SEC24D: variants seen among roughly 807,000 people sequenced by gnomAD.
SEC24D encodes protein transport protein Sec24D.
Under a neutral mutation model 116.9 loss-of-function variants are expected in SEC24D, and 69 were observed. That is an observed-to-expected ratio of 0.59 (90% CI 0.49 to 0.72). SEC24D has a LOEUF of 0.72. Ranked by LOEUF, SEC24D falls within the 30% of genes least tolerant of loss-of-function variation. The pLI, the probability that SEC24D is intolerant of heterozygous loss-of-function variation, is 0.00. For synonymous variants in SEC24D, 405 were observed against 442.8 expected (o/e 0.91, Z 1.07); for missense variants, 1,131 against 1,264.1 (o/e 0.89, Z 1.60).
At chr4:118,773,716 G>A (rs1368585586) in intron 8 of SEC24D, among the ~76,000 whole-genome samples, 5 of 152,188 alleles carry the variant, frequency 3.3e-5, no homozygotes, top group African/African-American at 4.8e-5. Context: ...GCCCAGAGGC[G>A]AAAAGGAAAA....
chr4:118,800,220 C>T (rs2110508479), intron 7 of SEC24D, among the ~76,000 whole-genome samples: 1 of 152,118 alleles, frequency 6.6e-6, no homozygotes. Flanking sequence ...GAAGGTGCTG[C>T]AGGTTTGAAA....
rs560161546 is a variant in SEC24D at position 118,828,113 on chromosome 4, C to CT, written c.119-3365dup. 5.9e-3 allele frequency among the ~76,000 whole-genome samples: 858 copies of CT among 146,014 alleles called. 10 individuals carry two copies. The highest frequency in any genetic ancestry group is 0.056 in the South Asian group (256 of 4,572). The stretch of plus-strand genomic sequence containing the variant: ...CTGTTCTAGGTTCAGGACATTAATA[C>CT]TTTTTTTTTTTTTGAGACAGAATCT... On this transcript the variant is annotated intron_variant, in intron 2 of 22. Coordinates refer to ENST00000280551, the MANE Select transcript of SEC24D (RefSeq NM_014822.4).
chr4:118,762,607 T>C, intron 10 of SEC24D, among the ~76,000 whole-genome samples: 1 of 152,216 alleles, frequency 6.6e-6, no homozygotes, highest in East Asian at 1.9e-4. Flanking sequence ...AAAAAATACA[T>C]GTACAAATTA....
At chr4:118,738,119 G>A (rs1224633316) in intron 19 of SEC24D, 142 bp downstream of exon 19, 2 of 572,206 alleles carry the variant, frequency 3.5e-6, no homozygotes, top group Non-Finnish European at 3.1e-6. Context: ...CCCCCAAATT[G>A]CATTCTTAAT....
chr4:118,740,610 C>G (rs1238431581), intron 17 of SEC24D, 53 bp downstream of exon 17: 3 of 1,591,580 alleles, frequency 1.9e-6, no homozygotes, highest in Non-Finnish European at 2.6e-6. Flanking sequence ...CCCCACTGAT[C>G]ATTGTCGGCA....
chr4:118,818,276 T>C (rs540875288), intron 3 of SEC24D, among the ~76,000 whole-genome samples: 1 of 152,314 alleles, frequency 6.6e-6, no homozygotes, highest in South Asian at 2.1e-4. Flanking sequence ...GATTTCAATT[T>C]CTCTATCTGA....
intron 13 of SEC24D, among the ~76,000 whole-genome samples, chr4:118,751,177 T>C (rs1054039216): frequency 9.5e-6 from 1 of 105,644 alleles, no homozygotes. Context: ...GAGTGAGGGC[T>C]TTTTTTTTTT....
chr4:118,753,610 G>GT (rs1487085730), intron 11 of SEC24D, among the ~76,000 whole-genome samples: 1 of 151,772 alleles, frequency 6.6e-6, no homozygotes, highest in Non-Finnish European at 1.5e-5. Flanking sequence ...TAGTATTCCT[G>GT]TAAGTATAAA....
At chr4:118,824,789 AC>A in intron 2 of SEC24D, 40 bp from the exon 3 acceptor site, 5 of 1,519,678 alleles carry the variant, frequency 3.3e-6, no homozygotes, top group Non-Finnish European at 3.5e-6. Flanking sequence ...GTATTAAAGT[AC>A]AAAGAGAGAT....
At chr4:118,757,970 G>T in intron 10 of SEC24D, 125 bp from the exon 11 acceptor site, 1 of 707,974 alleles carries the variant, frequency 1.4e-6, no homozygotes, top group Non-Finnish European at 2.2e-6. Context: ...TACCATCTGT[G>T]GAATTAAATC....
chr4:118,829,990 T>C (rs1290986211), intron 2 of SEC24D, among the ~76,000 whole-genome samples: 1 of 152,130 alleles, frequency 6.6e-6, no homozygotes, highest in East Asian at 1.9e-4. Context: ...AGGAGACCAA[T>C]AAAAGCGTCA....
At position 118,820,674 on chromosome 4, in the gene SEC24D, G is replaced by A. The variant is rs187716174; in HGVS notation, c.249-3262C>T. On this transcript the variant is annotated intron_variant, in intron 3 of 22. Coordinates refer to ENST00000280551, the MANE Select transcript of SEC24D (RefSeq NM_014822.4). ...ATGGAGTGATCCCTTTTTTTTTTTC[G>A]CTATAAATATAATGTTAAAATTAAG... Among the ~76,000 whole-genome samples, 25 of 142,992 alleles carry A rather than the reference G, an allele frequency of 1.7e-4. No individual in the cohort carries two copies. The East Asian group carries it at 4.3e-3, about 25-fold the overall frequency. 93.8% of individuals were successfully genotyped at this position (142,992 alleles called of 152,430 possible). A position where few individuals can be genotyped will look rare whatever the true frequency, so the allele number is the denominator to read the frequency against.
At chr4:118,804,709 T>C (rs939872212) in intron 7 of SEC24D, among the ~76,000 whole-genome samples, 5 of 152,026 alleles carry the variant, frequency 3.3e-5, no homozygotes, top group Non-Finnish European at 7.4e-5. Flanking sequence ...AAACAAATTA[T>C]TTTTACACTT....
intron 8 of SEC24D, among the ~76,000 whole-genome samples, chr4:118,788,376 A>G (rs1728746097): frequency 6.6e-6 from 1 of 152,246 alleles, no homozygotes; most frequent in Non-Finnish European, 1.5e-5. Flanking sequence ...AGGTCACAAT[A>G]TAAGGCACAG....
In SEC24D at chr4:118,815,496, G is replaced by A; in HGVS notation, c.628C>T (p.Pro210Ser). Residue 210 changes from proline to serine, a missense_variant, in exon 5 of 23, where the codon CCT (proline) becomes TCT (serine). By Grantham distance (74) the Pro-to-Ser change is moderately conservative. Coordinates refer to ENST00000280551, the MANE Select transcript of SEC24D (RefSeq NM_014822.4). ...GCACCCAAGGTCTGGCCTGGAAGAGGTGGGGGCTGGTACTGGGCATTTGGA... is the reference window on the plus strand; with the variant it reads ...GCACCCAAGGTCTGGCCTGGAAGAGATGGGGGCTGGTACTGGGCATTTGGA... ...PPPNAQYQPP[P>S]LPGQTLGAGY... 1 of 1,614,198 alleles carries A rather than the reference G, an allele frequency of 6.2e-7. No individual in the cohort carries two copies. The highest frequency in any genetic ancestry group is 1.1e-5 in the South Asian group (1 of 91,086).
chr4:118,736,149 G>C (rs1052675694), intron 19 of SEC24D: 1 of 150,164 alleles, frequency 6.7e-6, no homozygotes, highest in Non-Finnish European at 1.5e-5. Flanking sequence ...GGGATTAGAG[G>C]TCCATGCCAC....
At chr4:118,768,363 G>T in intron 8 of SEC24D, 52 bp from the exon 9 acceptor site, 4 of 1,430,708 alleles carry the variant, frequency 2.8e-6, no homozygotes, top group South Asian at 1.3e-5. Flanking sequence ...GGATTTCTAG[G>T]TACTATAATT....
In SEC24D at chr4:118,728,663, A is replaced by C; in HGVS notation, c.2869-13T>G. ...CAGGCAGCAATGTCTTAGATTTAAG[A>C]AAATCAAAGTTTTAGTACAGTTTAT... is the stretch of plus-strand genomic sequence containing the variant. On this transcript the variant is annotated splice_polypyrimidine_tract_variant and intron_variant, in intron 21 of 22. Transcript: ENST00000280551. 1 of 1,516,892 alleles carries C rather than the reference A, an allele frequency of 6.6e-7. No homozygotes were observed. The highest frequency in any genetic ancestry group is 9.1e-7 in the Non-Finnish European group (1 of 1,097,544). The allele number at this position is 1,516,892 out of a possible 1,614,324, so 94.0% of individuals were successfully genotyped here.
At chr4:118,835,124 C>A (rs35748313) in intron 1 of SEC24D, among the ~76,000 whole-genome samples, 1 of 152,060 alleles carries the variant, frequency 6.6e-6, no homozygotes, top group Non-Finnish European at 1.5e-5. Context: ...GCAGCCTGAG[C>A]GCTGGTCAAG....
Sources: gnomAD v4.1 joint callset for allele counts (sites outside exome capture counted in the v4.1 genomes callset) on GRCh38, gnomAD v4.1.1 for gene constraint, MANE v1.5 for transcripts, NCBI Gene and HGNC (gene_info 2026-07-23, HGNC 2026-07-21) for gene names.